The following KPNA4 variants were observed in gnomAD, a reference collection of about 807,000 sequenced individuals.
KPNA4 encodes importin subunit alpha-3.
In KPNA4, 13 loss-of-function variants were observed where a neutral mutation model predicts 71.3. That is an observed-to-expected ratio of 0.18 (90% CI 0.12 to 0.29). KPNA4 has a LOEUF of 0.29. KPNA4 is among the 10% of genes least tolerant of loss of function. The pLI, the probability that KPNA4 is intolerant of heterozygous loss-of-function variation, is 1.00. For synonymous variants in KPNA4, 189 were observed against 195.2 expected (o/e 0.97, Z 0.26); for missense variants, 334 against 603.2 (o/e 0.55, Z 4.67).
intron 1 of KPNA4, among the ~76,000 whole-genome samples, chr3:160,538,470 G>C (rs1222836828): frequency 6.6e-6 from 1 of 152,148 alleles, no homozygotes. Context: ...TGAAAATAAA[G>C]ATGTAATTTC....
intron 1 of KPNA4, among the ~76,000 whole-genome samples, chr3:160,551,550 T>C (rs1031113864): frequency 6.6e-5 from 10 of 152,114 alleles, no homozygotes; most frequent in African/African-American, 2.4e-4. Flanking sequence ...AAAGCAGAAC[T>C]GAATGTTAAA....
In KPNA4 at chr3:160,512,868, T is replaced by G. The variant is rs947378766; in HGVS notation, c.1137+1209A>C. On this transcript the variant is annotated intron_variant, in intron 13 of 16. Coordinates refer to ENST00000334256, the MANE Select transcript of KPNA4 (RefSeq NM_002268.5). Reference sequence around the variant, plus strand: ...ACAAAAAACAAGACAAGTTCTTTACTAAAGAATCATGGCCAATACACAAAG... The same window carrying G: ...ACAAAAAACAAGACAAGTTCTTTACGAAAGAATCATGGCCAATACACAAAG... Among the ~76,000 whole-genome samples, 6 of 152,052 alleles carry G rather than the reference T, an allele frequency of 3.9e-5. No homozygotes were observed. The East Asian group carries it at 9.6e-4, about 24-fold the overall frequency.
At chr3:160,534,017 CTACA>C (rs1721630533) in intron 5 of KPNA4, among the ~76,000 whole-genome samples, 1 of 152,268 alleles carries the variant, frequency 6.6e-6, no homozygotes, top group African/African-American at 2.4e-5. Flanking sequence ...ATTTTTCTGC[CTACA>C]TAAAGAATTC....
At position 160,565,360 on chromosome 3, in the gene KPNA4, G is replaced by A. The variant is rs1327147326; in HGVS notation, c.-78C>T. On this transcript the variant is annotated 5_prime_UTR_variant, in exon 1 of 17. Coordinates refer to ENST00000334256, the MANE Select transcript of KPNA4 (RefSeq NM_002268.5). ...CCAACGCGCCGCACCGACACTCCCA[G>A]GAACCGGGCCGCCGCCTGAGCTGCT... is the stretch of plus-strand genomic sequence containing the variant. 1.6e-6 allele frequency: 2 copies of A among 1,237,500 alleles called. No individual in the cohort carries two copies. The highest frequency in any genetic ancestry group is 2.3e-6 in the Non-Finnish European group (2 of 868,610). The allele number at this position is 1,237,500 out of a possible 1,614,324, so 76.7% of individuals were successfully genotyped here.
chr3:160,544,345 C>G (rs1214666825), intron 1 of KPNA4, among the ~76,000 whole-genome samples: 5 of 152,170 alleles, frequency 3.3e-5, no homozygotes, highest in Admixed American at 3.3e-4. Context: ...GCAAGATAAA[C>G]TTTCAGAATC....
rs1439555632 is a variant in KPNA4, at chr3:160,500,518, TAA to T, written c.*1584_*1585del. 2 of 152,664 alleles carry T rather than the reference TAA, an allele frequency of 1.3e-5. No individual in the cohort carries two copies. Among genetic ancestry groups the T allele is most frequent in the African/African-American group, 2.4e-5 (1 of 41,472 alleles). The allele number at this position is 152,664 out of a possible 1,614,324, so 9.5% of individuals were successfully genotyped here. Reference sequence around the variant, plus strand: ...GGATTTCCTACAATGAGCCACCTTATAAAGAGTTCTTTTTGTACAAATTAATT... The same window carrying T: ...GGATTTCCTACAATGAGCCACCTTATAGAGTTCTTTTTGTACAAATTAATT... On this transcript the variant is annotated 3_prime_UTR_variant, in exon 17 of 17. Transcript: ENST00000334256.
chr3:160,565,447 T>G lies in KPNA4; in HGVS notation c.-165A>C. 1.7e-6 allele frequency: 1 copy of G among 593,344 alleles called. No homozygotes were observed. The highest frequency in any genetic ancestry group is 3.0e-6 in the Non-Finnish European group (1 of 338,466). The allele number at this position is 593,344 out of a possible 1,614,324, so 36.8% of individuals were successfully genotyped here. ...CTGCCTCCGCCGCGGCCTTCTCCTC[T>G]CCCCGCCCGCCCCCCCGCCCTAACC... is the stretch of plus-strand genomic sequence containing the variant. On this transcript the variant is annotated 5_prime_UTR_variant, in exon 1 of 17. Coordinates refer to ENST00000334256, the MANE Select transcript of KPNA4 (RefSeq NM_002268.5).
chr3:160,555,358 G>A (rs1333523465), intron 1 of KPNA4, among the ~76,000 whole-genome samples: 1 of 152,152 alleles, frequency 6.6e-6, no homozygotes, highest in Admixed American at 6.5e-5. Flanking sequence ...TGTTTTCAAG[G>A]TTCATCCATA....
chr3:160,512,878 T>A (rs922024989), intron 13 of KPNA4, among the ~76,000 whole-genome samples: 1 of 152,096 alleles, frequency 6.6e-6, no homozygotes. Context: ...TAAAGAATCA[T>A]GGCCAATACA....
At chr3:160,520,056 C>T (rs1204585565) in intron 11 of KPNA4, among the ~76,000 whole-genome samples, 1 of 151,990 alleles carries the variant, frequency 6.6e-6, no homozygotes, top group Non-Finnish European at 1.5e-5. Context: ...AAGGTAAATT[C>T]CAAGCCCTAC....
intron 7 of KPNA4, among the ~76,000 whole-genome samples, chr3:160,530,460 A>G (rs540979750): frequency 2.6e-5 from 4 of 152,098 alleles, no homozygotes; most frequent in Non-Finnish European, 4.4e-5. Context: ...GCCTGGCCAA[A>G]AGAGTAAGAT....
intron 1 of KPNA4, among the ~76,000 whole-genome samples, chr3:160,537,617 T>C (rs1721715781): frequency 6.7e-6 from 1 of 149,050 alleles, no homozygotes; most frequent in Non-Finnish European, 1.5e-5. Context: ...TACGTAGCGG[T>C]AACAACTCAG....
At chr3:160,548,786 A>T (rs1330799215) in intron 1 of KPNA4, among the ~76,000 whole-genome samples, 1 of 152,226 alleles carries the variant, frequency 6.6e-6, no homozygotes, top group East Asian at 1.9e-4. Flanking sequence ...CCCGCTTTCA[A>T]TTCATCTGGA....
chr3:160,536,889 T>C, intron 1 of KPNA4, 49 bp from the exon 2 acceptor site: 1 of 1,129,688 alleles, frequency 8.9e-7, no homozygotes, highest in Non-Finnish European at 1.3e-6. Flanking sequence ...TCAAATTCCA[T>C]TATCCAGAGA....
chr3:160,519,727 G>A (rs1446315847), intron 11 of KPNA4, among the ~76,000 whole-genome samples: 11 of 148,888 alleles, frequency 7.4e-5, no homozygotes, highest in African/African-American at 2.2e-4. Flanking sequence ...CCCGGGAAGC[G>A]GAGCTTGCAG....
At chr3:160,515,618 CTTTTTT>C in intron 11 of KPNA4, 38 bp from the exon 12 acceptor site, 1 of 1,449,666 alleles carries the variant, frequency 6.9e-7, no homozygotes, top group Non-Finnish European at 9.4e-7. Context: ...ATGTGAAATC[CTTTTTT>C]TTTTTTTTGA....
Position 160,545,516 on chromosome 3 carries a change from C to A in KPNA4, c.70-8676G>T, listed in dbSNP as rs113032101. 1.7e-3 allele frequency among the ~76,000 whole-genome samples: 264 copies of A among 152,254 alleles called. 1 individual carries two copies. Among genetic ancestry groups the A allele is most frequent in the African/African-American group, 5.9e-3 (245 of 41,540 alleles). ...CAGAAAAATATAAAGCCAGGAAGGA[C>A]ATTTTTAAATAAAGACCTTGAGAAG... On this transcript the variant is annotated intron_variant, in intron 1 of 16. Coordinates refer to ENST00000334256, the MANE Select transcript of KPNA4 (RefSeq NM_002268.5).
At chr3:160,526,841 G>A (rs1030846281) in intron 8 of KPNA4, among the ~76,000 whole-genome samples, 1 of 152,056 alleles carries the variant, frequency 6.6e-6, no homozygotes, top group Non-Finnish European at 1.5e-5. Context: ...TGTTAATTAC[G>A]GAATGTCACT....
intron 15 of KPNA4, among the ~76,000 whole-genome samples, chr3:160,506,276 C>G (rs770735630): frequency 1.8e-4 from 27 of 151,868 alleles, no homozygotes; most frequent in Non-Finnish European, 8.8e-5. Context: ...TCAAATGATT[C>G]TCGTGCCTCA....
Sources: allele counts gnomAD v4.1 joint callset (sites outside exome capture counted in the v4.1 genomes callset), GRCh38; gene constraint gnomAD v4.1.1; transcripts MANE v1.5; gene names NCBI Gene and HGNC (gene_info 2026-07-23, HGNC 2026-07-21).